Variants in KIRREL3 observed in about 807,000 individuals in gnomAD.
KIRREL3 encodes the protein kirre like nephrin family adhesion molecule 3.
A neutral mutation model predicts 89.7 loss-of-function variants in KIRREL3; 36 were observed. That is an observed-to-expected ratio of 0.40 (90% CI 0.31 to 0.53). KIRREL3 has a LOEUF of 0.53. KIRREL3 is among the 20% of genes least tolerant of loss of function. KIRREL3 has a pLI of 0.49. For missense variants in KIRREL3, 864 were observed against 1,056.6 expected (o/e 0.82, Z 2.53); for synonymous variants, 445 against 441.4 (o/e 1.01, Z -0.10).
At chr11:126,961,124 G>C (rs923814187) in intron 1 of KIRREL3, among the ~76,000 whole-genome samples, 4 of 152,112 alleles carry the variant, frequency 2.6e-5, no homozygotes, top group African/African-American at 9.7e-5. Context: ...TATTCCATGA[G>C]ACACAACTAT....
chr11:126,927,715 G>A (rs188015318), intron 1 of KIRREL3, among the ~76,000 whole-genome samples: 26 of 152,304 alleles, frequency 1.7e-4, no homozygotes, highest in Admixed American at 6.5e-4. Context: ...TCAGCAGCAT[G>A]CACAGAAAAA....
Position 126,724,633 on chromosome 11 carries a change from T to G in KIRREL3, c.56-161721A>C, listed in dbSNP as rs1319228876. 2.6e-5 allele frequency among the ~76,000 whole-genome samples: 4 copies of G among 152,190 alleles called. No homozygotes were observed. The highest frequency in any genetic ancestry group is 4.4e-5 in the Non-Finnish European group (3 of 68,032). ...GTAGATATGTCATGTCGAGATTGAA[T>G]TCAGGTATAGTTTTAGCTGCCTTCC... On this transcript the variant is annotated intron_variant, in intron 1 of 16. Coordinates refer to ENST00000525144, the MANE Select transcript of KIRREL3 (RefSeq NM_032531.4). The surrounding 1 kb of genome is among the most constrained non-coding windows in gnomAD (Gnocchi z 4.3).
intron 1 of KIRREL3, among the ~76,000 whole-genome samples, chr11:126,971,637 G>A (rs193128699): frequency 1.6e-4 from 25 of 152,278 alleles, no homozygotes; most frequent in African/African-American, 4.3e-4. Flanking sequence ...TCATCAGTCC[G>A]ATTCTTCACT....
intron 1 of KIRREL3, among the ~76,000 whole-genome samples, chr11:126,745,337 T>C (rs1002500932): frequency 1.3e-5 from 2 of 152,034 alleles, no homozygotes; most frequent in Non-Finnish European, 2.9e-5. Flanking sequence ...TCTGAACAAT[T>C]GCTTAGCTCA....
At chr11:126,982,973 T>C (rs1225809934) in intron 1 of KIRREL3, among the ~76,000 whole-genome samples, 4 of 152,256 alleles carry the variant, frequency 2.6e-5, no homozygotes, top group Admixed American at 6.5e-5. Context: ...ATCTAATAGA[T>C]GTGCCTGCTA....
intron 1 of KIRREL3, among the ~76,000 whole-genome samples, chr11:126,700,531 A>G (rs941999205): frequency 1.3e-5 from 2 of 152,238 alleles, no homozygotes; most frequent in Non-Finnish European, 2.9e-5. Context: ...TTACTTTTGC[A>G]CTAACCTAAT....
chr11:126,852,539 A>T (rs1442068599), intron 1 of KIRREL3, among the ~76,000 whole-genome samples: 4 of 152,196 alleles, frequency 2.6e-5, no homozygotes, highest in African/African-American at 9.7e-5. Context: ...GGAGACCGTA[A>T]GTCCTCTGGG....
rs544375439 is a variant in KIRREL3, at chr11:126,718,583, G to C, written c.56-155671C>G. ...GTCAGAGGTCCTCAGAGAAATGCTG[G>C]AGGGCAAACTGGGGAAGGAAGGTAG... On this transcript the variant is annotated intron_variant, in intron 1 of 16. Coordinates refer to ENST00000525144, the MANE Select transcript of KIRREL3 (RefSeq NM_032531.4). Among the ~76,000 whole-genome samples, 3 of 152,348 alleles carry C rather than the reference G, an allele frequency of 2.0e-5. No homozygotes were observed. In the South Asian group the frequency reaches 6.2e-4, roughly 32 times the overall value.
rs1276883190 is a variant in KIRREL3, at chr11:126,791,478, G to T, written c.55+208977C>A. Among the ~76,000 whole-genome samples, 1 of 152,242 alleles carries T rather than the reference G, an allele frequency of 6.6e-6. No homozygotes were observed. Among genetic ancestry groups the T allele is most frequent in the Non-Finnish European group, 1.5e-5 (1 of 68,050 alleles). On this transcript the variant is annotated intron_variant, in intron 1 of 16. Coordinates refer to ENST00000525144, the MANE Select transcript of KIRREL3 (RefSeq NM_032531.4). The surrounding 1 kb of genome is among the most constrained non-coding windows in gnomAD (Gnocchi z 4.8). ...ATGGTGACGGCATTTGCAGAAAATT[G>T]TACATATTGTGCAGATCCATCTCCT...
chr11:126,937,743 C>CA (rs1426289640), intron 1 of KIRREL3, among the ~76,000 whole-genome samples: 3 of 151,662 alleles, frequency 2.0e-5, no homozygotes, highest in East Asian at 1.9e-4. Context: ...ACTAAAAATA[C>CA]AAAAAATCAG....
intron 1 of KIRREL3, among the ~76,000 whole-genome samples, chr11:126,707,897 C>A (rs1947599577): frequency 6.6e-6 from 1 of 151,574 alleles, no homozygotes; most frequent in African/African-American, 2.4e-5. Context: ...ACCCTTCTTG[C>A]CTCCCTTGAG....
intron 2 of KIRREL3, among the ~76,000 whole-genome samples, chr11:126,560,708 A>G (rs1940054117): frequency 6.6e-6 from 1 of 152,270 alleles, no homozygotes; most frequent in Non-Finnish European, 1.5e-5. Flanking sequence ...ATATGCTTTA[A>G]TACAGCACAA....
intron 7 of KIRREL3, among the ~76,000 whole-genome samples, chr11:126,451,665 A>T (rs1239355333): frequency 7.4e-6 from 1 of 135,906 alleles, no homozygotes; most frequent in African/African-American, 2.8e-5. Flanking sequence ...TGCATGTGTG[A>T]GTGTGTGCAT....
In KIRREL3 at chr11:126,665,739, A is replaced by C. The variant is rs11220577; in HGVS notation, c.56-102827T>G. On this transcript the variant is annotated intron_variant, in intron 1 of 16. Transcript: ENST00000525144. ...AAGATCGTTTGTTACTGCAGCCCAA[A>C]TGGACTGAGGCACATGCTTCAGCCC... is the stretch of plus-strand genomic sequence containing the variant. 5.0e-3 allele frequency among the ~76,000 whole-genome samples: 759 copies of C among 152,314 alleles called. 7 individuals carry two copies. Among genetic ancestry groups the C allele is most frequent in the African/African-American group, 0.017 (712 of 41,576 alleles).
In KIRREL3 at chr11:126,776,293, C is replaced by T. The variant is rs183968005; in HGVS notation, c.56-213381G>A. ...GGACTTGGAAGGGAATGTGTGCTTC[C>T]GGTGGAGTTTGCTGAAGTGCCATGG... On this transcript the variant is annotated intron_variant, in intron 1 of 16. Coordinates refer to ENST00000525144, the MANE Select transcript of KIRREL3 (RefSeq NM_032531.4). This position sits in a 1 kb window ranked among gnomAD's most constrained non-coding sequence, Gnocchi z 4.7. 4.1e-3 allele frequency among the ~76,000 whole-genome samples: 625 copies of T among 152,238 alleles called. 4 individuals are homozygous for T. Among genetic ancestry groups the T allele is most frequent in the African/African-American group, 0.014 (595 of 41,524 alleles).
At chr11:126,659,149 T>G (rs375205080) in intron 1 of KIRREL3, among the ~76,000 whole-genome samples, 4 of 152,242 alleles carry the variant, frequency 2.6e-5, no homozygotes, top group African/African-American at 9.6e-5. Context: ...TCATGAACGT[T>G]AATAATAATT....
intron 1 of KIRREL3, among the ~76,000 whole-genome samples, chr11:126,887,339 C>T (rs574798360): frequency 9.7e-4 from 148 of 152,166 alleles, no homozygotes; most frequent in African/African-American, 3.1e-3. Flanking sequence ...GTCAGTGGAA[C>T]GGAGGGGAGA....
At chr11:126,735,078 C>T (rs1948756933) in intron 1 of KIRREL3, among the ~76,000 whole-genome samples, 1 of 152,198 alleles carries the variant, frequency 6.6e-6, no homozygotes, top group Non-Finnish European at 1.5e-5. Context: ...TGGCTGCTGC[C>T]TGATGGAGGA....
In KIRREL3 at chr11:126,742,743, G is replaced by A. The variant is rs1000533729; in HGVS notation, c.56-179831C>T. Among the ~76,000 whole-genome samples, 45 of 152,312 alleles carry A rather than the reference G, an allele frequency of 3.0e-4. No homozygotes were observed. The highest frequency in any genetic ancestry group is 1.1e-3 in the African/African-American group (45 of 41,574). On this transcript the variant is annotated intron_variant, in intron 1 of 16. Transcript: ENST00000525144. The surrounding 1 kb of genome is among the most constrained non-coding windows in gnomAD (Gnocchi z 5.3). ...AGCAGACAGTGGACTTTAGAACCAG[G>A]CAGGCAAACACAGCTTCAGGGTGAG... is the stretch of plus-strand genomic sequence containing the variant.
Sources: gnomAD v4.1 joint callset for allele counts (sites outside exome capture counted in the v4.1 genomes callset) on GRCh38, gnomAD v4.1.1 for gene constraint, Gnocchi (gnomAD v3.1) non-coding constraint, MANE v1.5 for transcripts, NCBI Gene and HGNC (gene_info 2026-07-23, HGNC 2026-07-21) for gene names.